The following USP10 variants were observed in gnomAD, a reference collection of about 807,000 sequenced individuals.
The protein encoded by USP10 is ubiquitin specific peptidase 10, also known as ubiquitin carboxyl-terminal hydrolase 10.
In USP10, 22 loss-of-function variants were observed where a neutral mutation model predicts 84.5. That is an observed-to-expected ratio of 0.26 (90% CI 0.19 to 0.37). USP10 has a LOEUF of 0.37. Among genes scored for constraint, USP10 ranks in the 10% least tolerant of loss-of-function variants. The pLI, the probability that USP10 is intolerant of heterozygous loss-of-function variation, is 1.00. For missense variants in USP10, 1,019 were observed against 998.9 expected, an observed-to-expected ratio of 1.02 and a Z score of -0.27; for synonymous variants, 454 against 387.6, an observed-to-expected ratio of 1.17 and a Z score of -2.01.
intron 1 of USP10, among the ~76,000 whole-genome samples, chr16:84,711,118 G>A (rs1215914929): frequency 1.3e-5 from 2 of 152,142 alleles, no homozygotes; most frequent in African/African-American, 2.4e-5. Flanking sequence ...GTCATGTCGT[G>A]TCTTCAGAAC....
At chr16:84,744,544 G>C in intron 3 of USP10, 89 bp from the exon 4 acceptor site, 1 of 1,265,444 alleles carries the variant, frequency 7.9e-7, no homozygotes, top group South Asian at 1.6e-5. Flanking sequence ...AGAACTTAAG[G>C]TTTTTATTTT....
At chr16:84,762,448 T>C (rs1913315005) in intron 8 of USP10, among the ~76,000 whole-genome samples, 1 of 152,170 alleles carries the variant, frequency 6.6e-6, no homozygotes, top group African/African-American at 2.4e-5. Context: ...CCCAGCACTT[T>C]GGGAAGCCAA....
Position 84,737,196 on chromosome 16 carries a change from A to T in USP10, c.91-3113A>T, listed in dbSNP as rs144287398. ...GCCCAGAGGGAGACTTCAGAACATG[A>T]CCTTCCTATAGCCACGGGCCCAGGT... On this transcript the variant is annotated intron_variant, in intron 2 of 13. Transcript: ENST00000219473. Among the ~76,000 whole-genome samples, 418 of 152,234 alleles carry T rather than the reference A, an allele frequency of 2.7e-3. 3 individuals are homozygous for T. Among genetic ancestry groups the T allele is most frequent in the Non-Finnish European group, 3.3e-3 (223 of 68,000 alleles).
At chr16:84,749,098 A>C (rs9928400) in intron 4 of USP10, among the ~76,000 whole-genome samples, 24,859 of 152,256 alleles carry the variant, frequency 0.16, 2,077 homozygotes, top group Admixed American at 0.2. Context: ...GTAGAGCAAT[A>C]GAGTCACATT....
chr16:84,759,293 C>A, intron 5 of USP10, 70 bp from the exon 6 acceptor site: 1 of 1,396,606 alleles, frequency 7.2e-7, no homozygotes, highest in African/African-American at 1.4e-5. Context: ...CATTCTTGTG[C>A]TTCATGTGCC....
At chr16:84,732,668 G>C (rs1010167383) in intron 1 of USP10, 2 of 301,434 alleles carry the variant, frequency 6.6e-6, no homozygotes, top group East Asian at 2.4e-4. Context: ...GGCTGGTCTC[G>C]AATTCCTGAC....
intron 2 of USP10, among the ~76,000 whole-genome samples, chr16:84,735,198 TGTGTGTGTGTG>T (rs1909751726): frequency 3.5e-5 from 1 of 28,226 alleles, no homozygotes; most frequent in African/African-American, 1.3e-4. Flanking sequence ...GCCCGGGTGG[TGTGTGTGTGTG>T]TGTGTGTGTG....
chr16:84,703,304 G>A (rs1179437461), intron 1 of USP10, among the ~76,000 whole-genome samples: 2 of 152,186 alleles, frequency 1.3e-5, no homozygotes, highest in Non-Finnish European at 2.9e-5. Flanking sequence ...AAAAATATTT[G>A]TGATTATTGA....
chr16:84,708,369 G>A (rs938540651), intron 1 of USP10, among the ~76,000 whole-genome samples: 21 of 152,186 alleles, frequency 1.4e-4, no homozygotes, highest in African/African-American at 4.8e-4. Flanking sequence ...AGAATAGCTT[G>A]AACCCGTGGG....
At chr16:84,774,155 C>A (rs1914733354) in intron 12 of USP10, among the ~76,000 whole-genome samples, 1 of 152,036 alleles carries the variant, frequency 6.6e-6, no homozygotes, top group South Asian at 2.1e-4. Context: ...GAGGCTGAGG[C>A]AGGAGAATCG....
At chr16:84,712,816 A>G (rs1279265191) in intron 1 of USP10, among the ~76,000 whole-genome samples, 4 of 152,136 alleles carry the variant, frequency 2.6e-5, no homozygotes, top group Admixed American at 6.5e-5. Context: ...CACGTCACAT[A>G]TAAGTTATTT....
At chr16:84,714,804 TAAG>T (rs1451339724) in intron 1 of USP10, among the ~76,000 whole-genome samples, 1 of 151,948 alleles carries the variant, frequency 6.6e-6, no homozygotes, top group African/African-American at 2.4e-5. Flanking sequence ...TAAGGGATAT[TAAG>T]AAGATACTTA....
At chr16:84,768,062 G>T in intron 10 of USP10, 131 bp from the exon 11 acceptor site, 2 of 969,868 alleles carry the variant, frequency 2.1e-6, no homozygotes, top group Non-Finnish European at 1.5e-6. Context: ...TATATTTTTG[G>T]CTTTTCTCTG....
chr16:84,707,339 A>G lies in USP10; in HGVS notation c.21+7228A>G, dbSNP rs143101855. On this transcript the variant is annotated intron_variant, in intron 1 of 13. Transcript: ENST00000219473. ...TTACTATAATATGTTACTATTCACTAAAGTTTGTGTGGGGTACATTTTAAT... is the reference window on the plus strand; with the variant it reads ...TTACTATAATATGTTACTATTCACTGAAGTTTGTGTGGGGTACATTTTAAT... 2.2e-3 allele frequency among the ~76,000 whole-genome samples: 334 copies of G among 152,364 alleles called. 2 individuals are homozygous for G. Among genetic ancestry groups the G allele is most frequent in the African/African-American group, 7.4e-3 (307 of 41,592 alleles).
intron 4 of USP10, among the ~76,000 whole-genome samples, chr16:84,748,680 T>C (rs1270246913): frequency 6.6e-6 from 1 of 152,228 alleles, no homozygotes; most frequent in African/African-American, 2.4e-5. Flanking sequence ...TCTCTATCTT[T>C]ATTTAAAATA....
intron 4 of USP10, among the ~76,000 whole-genome samples, chr16:84,751,956 G>A (rs1407331944): frequency 6.6e-6 from 1 of 152,154 alleles, no homozygotes; most frequent in African/African-American, 2.4e-5. Flanking sequence ...TATTGCCTTT[G>A]AGTTGATAAA....
chr16:84,765,691 C>A (rs529990167), intron 10 of USP10, among the ~76,000 whole-genome samples: 2 of 152,214 alleles, frequency 1.3e-5, no homozygotes, highest in African/African-American at 4.8e-5. Flanking sequence ...ACAGTTGTTT[C>A]CCTGTCTTGG....
At chr16:84,730,131 C>T (rs1387938980) in intron 1 of USP10, among the ~76,000 whole-genome samples, 1 of 152,196 alleles carries the variant, frequency 6.6e-6, no homozygotes, top group African/African-American at 2.4e-5. Flanking sequence ...TCTGCGTCCA[C>T]TCAGCGTCCA....
At chr16:84,720,576 A>ATTTT (rs10699847) in intron 1 of USP10, among the ~76,000 whole-genome samples, 1,563 of 88,256 alleles carry the variant, frequency 0.018, 152 homozygotes, top group African/African-American at 0.042. Flanking sequence ...ATGATGCCCA[A>ATTTT]TTTTTTTTTT....
Sources: gnomAD v4.1 joint callset for allele counts (sites outside exome capture counted in the v4.1 genomes callset) on GRCh38, gnomAD v4.1.1 for gene constraint, MANE v1.5 for transcripts, NCBI Gene and HGNC (gene_info 2026-07-23, HGNC 2026-07-21) for gene names.